SLC8A2: variants seen among roughly 807,000 people sequenced by gnomAD.
SLC8A2 encodes the protein sodium/calcium exchanger 2.
A neutral mutation model predicts 70.2 loss-of-function variants in SLC8A2; 14 were observed. That is an observed-to-expected ratio of 0.20 (90% CI 0.13 to 0.31). SLC8A2 has a LOEUF of 0.31. Ranked by LOEUF, SLC8A2 falls within the 10% of genes least tolerant of loss-of-function variation. The pLI is 1.00. For synonymous variants in SLC8A2, 575 were observed against 594.3 expected, an observed-to-expected ratio of 0.97 and a Z score of 0.47; for missense variants, 779 against 1,320.1, an observed-to-expected ratio of 0.59 and a Z score of 6.35.
At chr19:47,446,930 T>C (rs964483605) in intron 4 of SLC8A2, among the ~76,000 whole-genome samples, 5 of 152,056 alleles carry the variant, frequency 3.3e-5, no homozygotes, top group Non-Finnish European at 7.4e-5. Flanking sequence ...TCTGAGTGTA[T>C]CCAGCCAGCC....
At chr19:47,460,551 G>T (rs1400484348) in intron 2 of SLC8A2, among the ~76,000 whole-genome samples, 1 of 151,942 alleles carries the variant, frequency 6.6e-6, no homozygotes, top group African/African-American at 2.4e-5. Flanking sequence ...TACAAAATTA[G>T]CCAGGCATGG....
In SLC8A2 at chr19:47,430,816, T is replaced by TC. The variant is rs1966948160; in HGVS notation, c.2390-352dup. 1.3e-5 allele frequency among the ~76,000 whole-genome samples: 2 copies of TC among 152,074 alleles called. No individual in the cohort carries two copies. Among genetic ancestry groups the TC allele is most frequent in the African/African-American group, 4.8e-5 (2 of 41,382 alleles). On this transcript the variant is annotated intron_variant, in intron 9 of 9. Transcript: ENST00000236877. The surrounding 1 kb of genome is among the most constrained non-coding windows in gnomAD (Gnocchi z 5.9). ...ATCTCAGCTCACTGCAACTTCCGCC[T>TC]CCCAGGTTCAAGCGATTCTCTTGCC...
chr19:47,464,302 G>A (rs1301570255), intron 2 of SLC8A2, among the ~76,000 whole-genome samples: 2 of 151,912 alleles, frequency 1.3e-5, no homozygotes, highest in African/African-American at 4.8e-5. Flanking sequence ...AGTAGAGATG[G>A]GGTTTCACCA....
intron 2 of SLC8A2, 91 bp from the exon 3 acceptor site, chr19:47,457,685 C>T (rs1190655165): frequency 7.7e-6 from 6 of 779,794 alleles, no homozygotes; most frequent in Non-Finnish European, 1.2e-5. Flanking sequence ...TCTGCCACTC[C>T]TCATCTCTCT....
intron 7 of SLC8A2, 59 bp from the exon 8 acceptor site, chr19:47,437,620 T>C: frequency 7.2e-7 from 1 of 1,387,258 alleles, no homozygotes; most frequent in East Asian, 2.3e-5. Flanking sequence ...GGAAGCTCCA[T>C]GTTGGGTCCT....
rs377370360 is a variant in SLC8A2, at chr19:47,441,485, C to T, written c.1764-45G>A. The T allele has an allele frequency of 6.1e-4, 734 of 1,209,142 alleles. 2 individuals are homozygous for T. The highest frequency in any genetic ancestry group is 1.5e-3 in the Admixed American group (78 of 52,240). 74.9% of individuals were successfully genotyped at this position (1,209,142 alleles called of 1,614,324 possible). ...GAGGCAGAACACTCAGTGTAAGGCC[C>T]CCTCCCCAGACTCACCAGGCAACCC... is the stretch of plus-strand genomic sequence containing the variant. On this transcript the variant is annotated intron_variant, in intron 4 of 9. Coordinates refer to ENST00000236877, the MANE Select transcript of SLC8A2 (RefSeq NM_015063.3).
intron 2 of SLC8A2, among the ~76,000 whole-genome samples, chr19:47,463,885 A>G (rs765262722): frequency 2.4e-4 from 36 of 152,054 alleles, no homozygotes; most frequent in Non-Finnish European, 4.7e-4. Context: ...CAGCACTCTC[A>G]TGATCCCCAT....
At chr19:47,449,899 C>T (rs1424591502) in intron 3 of SLC8A2, among the ~76,000 whole-genome samples, 2 of 152,022 alleles carry the variant, frequency 1.3e-5, no homozygotes, top group East Asian at 1.9e-4. Flanking sequence ...AGCTTCGTTC[C>T]GAGCAGAGGA....
chr19:47,445,032 C>T (rs536292414), intron 4 of SLC8A2, among the ~76,000 whole-genome samples: 1 of 151,882 alleles, frequency 6.6e-6, no homozygotes, highest in African/African-American at 2.4e-5. Flanking sequence ...TTTCAGTCTC[C>T]CTCCATCTCA....
intron 3 of SLC8A2, among the ~76,000 whole-genome samples, chr19:47,455,100 AAGAGAGGAGAGGAGAGAGTAGAGGAG>A (rs1175899289): frequency 6.6e-6 from 1 of 151,934 alleles, no homozygotes; most frequent in African/African-American, 2.4e-5. Context: ...AGAAGAAAGG[AAGAGAGGAGAGGAGAGAGTAGAGGAG>A]AGAGAGGAGA....
At chr19:47,456,906 C>A in intron 3 of SLC8A2, 24 bp downstream of exon 3, 1 of 1,560,590 alleles carries the variant, frequency 6.4e-7, no homozygotes, top group Non-Finnish European at 8.6e-7. Flanking sequence ...GCCCCCTGCA[C>A]ACCCCCCACC....
In SLC8A2 at chr19:47,447,217, A is replaced by G. The variant is rs944619052; in HGVS notation, c.1763+592T>C. On this transcript the variant is annotated intron_variant, in intron 4 of 9. Transcript: ENST00000236877. This position sits in a 1 kb window ranked among gnomAD's most constrained non-coding sequence, Gnocchi z 5.1. ...CCATTTTCCCATTTCCTGATGTCGT[A>G]TGTCCAAACCCAGACCCCACCTATC... 6.7e-6 allele frequency among the ~76,000 whole-genome samples: 1 copy of G among 149,714 alleles called. No individual in the cohort carries two copies. Among genetic ancestry groups the G allele is most frequent in the Non-Finnish European group, 1.5e-5 (1 of 67,632 alleles).
chr19:47,471,481 G>A (rs1249054139), intron 1 of SLC8A2, among the ~76,000 whole-genome samples: 1 of 151,338 alleles, frequency 6.6e-6, no homozygotes, highest in Non-Finnish European at 1.5e-5. Flanking sequence ...ACAGGAAGGC[G>A]GGGGCAGAGG....
intron 4 of SLC8A2, among the ~76,000 whole-genome samples, chr19:47,442,116 TA>T (rs908119128): frequency 4.6e-5 from 7 of 151,656 alleles, no homozygotes; most frequent in African/African-American, 1.7e-4. Context: ...ATAATAATAA[TA>T]AAAAAATAAA....
intron 6 of SLC8A2, among the ~76,000 whole-genome samples, chr19:47,439,518 A>C (rs574955116): frequency 2.1e-3 from 315 of 152,208 alleles, no homozygotes; most frequent in South Asian, 3.9e-3. Context: ...GGGCAACGAG[A>C]GCAAAACTCC....
chr19:47,451,308 C>CTTTTTTTTTTT (rs1555749092), intron 3 of SLC8A2, among the ~76,000 whole-genome samples: 3 of 150,356 alleles, frequency 2.0e-5, no homozygotes, highest in African/African-American at 7.4e-5. Context: ...GCGCCCAGAC[C>CTTTTTTTTTTT]TTTTTTTTGT....
chr19:47,457,504 C>T lies in SLC8A2; in HGVS notation c.766G>A (p.Val256Met). The T allele has an allele frequency of 6.2e-7, 1 of 1,607,066 alleles. No individual in the cohort carries two copies. Among genetic ancestry groups the T allele is most frequent in the Non-Finnish European group, 8.5e-7 (1 of 1,177,792 alleles). Reference sequence around the variant, plus strand: ...GGGTCGGTGCGGTAGCGCTTGTACACGTACTTGTAGAAGAGCAGCCGCTTG... The same window carrying T: ...GGGTCGGTGCGGTAGCGCTTGTACATGTACTTGTAGAAGAGCAGCCGCTTG... ...ADKRLLFYKY[V>M]YKRYRTDPRS... is the part of the protein sequence containing the mutation. Residue 256 changes from valine (V) to methionine (M), a missense_variant, in exon 3 of 10, where the codon GTG (valine) becomes ATG (methionine). By Grantham distance (21) the Val-to-Met change is conservative (BLOSUM62 1). Coordinates refer to ENST00000236877, the MANE Select transcript of SLC8A2 (RefSeq NM_015063.3).
chr19:47,469,306 C>A (rs1472880882), intron 1 of SLC8A2, among the ~76,000 whole-genome samples: 1 of 152,166 alleles, frequency 6.6e-6, no homozygotes, highest in Non-Finnish European at 1.5e-5. Context: ...AAAGCAAAGG[C>A]TCATGCTCCC....
chr19:47,461,060 G>T (rs536932683), intron 2 of SLC8A2, among the ~76,000 whole-genome samples: 61 of 151,116 alleles, frequency 4.0e-4, no homozygotes, highest in African/African-American at 1.4e-3. Context: ...CGTGGTGGCA[G>T]GCGCCTGTAA....
Sources: allele counts gnomAD v4.1 joint callset (sites outside exome capture counted in the v4.1 genomes callset), GRCh38; gene constraint gnomAD v4.1.1; non-coding constraint Gnocchi (gnomAD v3.1); transcripts MANE v1.5; gene names NCBI Gene and HGNC (gene_info 2026-07-23, HGNC 2026-07-21).